The following C13orf46 variants were observed in gnomAD, a reference collection of about 807,000 sequenced individuals.
The protein encoded by C13orf46 is chromosome 13 open reading frame 46.
downstream of C13orf46, among the ~76,000 whole-genome samples, chr13:113,948,826 C>T (rs2138960608): frequency 6.6e-6 from 1 of 152,364 alleles, no homozygotes; most frequent in South Asian, 2.1e-4. Flanking sequence ...ATAAAAAATA[C>T]ATCTGGTCTT....
chr13:113,938,038 T>C, the C13orf46 span, among the ~76,000 whole-genome samples: 21 of 152,342 alleles, frequency 1.4e-4, no homozygotes, highest in African/African-American at 4.8e-4. Flanking sequence ...GAGGCAGGTT[T>C]GCCTGGCACA....
intron 5 of C13orf46, among the ~76,000 whole-genome samples, chr13:113,965,623 GTGA>G (rs1345194695): frequency 2.8e-4 from 42 of 152,078 alleles, no homozygotes; most frequent in South Asian, 8.3e-4. Context: ...GGTGATGGTG[GTGA>G]TGATGACAGT....
chr13:113,930,940 C>T, the C13orf46 span, among the ~76,000 whole-genome samples: 3 of 152,330 alleles, frequency 2.0e-5, no homozygotes, highest in East Asian at 3.9e-4. Context: ...TCACGGCCTC[C>T]AGGGCCAGGC....
chr13:113,942,250 C>T, the C13orf46 span, among the ~76,000 whole-genome samples: 26 of 152,270 alleles, frequency 1.7e-4, no homozygotes, highest in East Asian at 4.2e-3. Context: ...ACACGCAGCC[C>T]GGGAGGAGGG....
At chr13:113,951,713 G>C (rs1432036360), downstream of C13orf46, among the ~76,000 whole-genome samples, 1 of 152,222 alleles carries the variant, frequency 6.6e-6, no homozygotes, top group Non-Finnish European at 1.5e-5. Flanking sequence ...TCACTCACAG[G>C]CGTCGCCAGG....
downstream of C13orf46, among the ~76,000 whole-genome samples, chr13:113,951,902 C>T (rs1251500035): frequency 6.6e-6 from 1 of 152,234 alleles, no homozygotes; most frequent in Non-Finnish European, 1.5e-5. Flanking sequence ...GCAGGGGCCA[C>T]AGTGCAACGC....
downstream of C13orf46, among the ~76,000 whole-genome samples, chr13:113,950,818 C>T (rs1213540036): frequency 6.6e-6 from 1 of 152,214 alleles, no homozygotes; most frequent in Non-Finnish European, 1.5e-5. Flanking sequence ...GCACGGGAGT[C>T]CTGCCGTCTC....
chr13:113,938,979 C>G, the C13orf46 span, among the ~76,000 whole-genome samples: 1 of 152,158 alleles, frequency 6.6e-6, no homozygotes, highest in Non-Finnish European at 1.5e-5. Flanking sequence ...CAGCCACCCC[C>G]ACCCCAGGCC....
At chr13:113,946,955 G>A in the C13orf46 span, among the ~76,000 whole-genome samples, 1 of 152,250 alleles carries the variant, frequency 6.6e-6, no homozygotes, top group Non-Finnish European at 1.5e-5. Flanking sequence ...AGGTGCGTGG[G>A]CCGAAGGCAC....
downstream of C13orf46, among the ~76,000 whole-genome samples, chr13:113,950,034 T>A (rs923169885): frequency 1.7e-4 from 25 of 145,104 alleles, no homozygotes; most frequent in South Asian, 1.1e-3. Context: ...GGTGCTCCCA[T>A]CTGTAGAGTG....
At chr13:113,934,130 T>G in the C13orf46 span, among the ~76,000 whole-genome samples, 4 of 151,942 alleles carry the variant, frequency 2.6e-5, no homozygotes, top group Admixed American at 2.6e-4. Context: ...GGGAACGGAG[T>G]GCGGAATGCA....
chr13:113,930,432 G>A, the C13orf46 span, among the ~76,000 whole-genome samples: 174 of 147,706 alleles, frequency 1.2e-3, 5 homozygotes, highest in South Asian at 0.027. Context: ...GCGGGGGCGC[G>A]GGAGCACTGA....
intron 6 of C13orf46, among the ~76,000 whole-genome samples, chr13:113,957,056 C>T (rs1267262388): frequency 6.6e-6 from 1 of 151,808 alleles, no homozygotes; most frequent in Non-Finnish European, 1.5e-5. Context: ...CTCCCCTGTA[C>T]CTGCATATGC....
the C13orf46 span, among the ~76,000 whole-genome samples, chr13:113,940,440 G>A: frequency 7.9e-5 from 12 of 152,216 alleles, no homozygotes; most frequent in Admixed American, 1.3e-4. Context: ...GAGGATGGGC[G>A]TCTGGGACCC....
the C13orf46 span, among the ~76,000 whole-genome samples, chr13:113,929,939 T>C: frequency 2.0e-5 from 3 of 152,204 alleles, no homozygotes; most frequent in African/African-American, 7.2e-5. Flanking sequence ...GCTGTGGGGA[T>C]CTGCGTTCTT....
the C13orf46 span, chr13:113,927,211 C>T: frequency 8.0e-6 from 2 of 250,148 alleles, no homozygotes. Context: ...GGACAGCAGT[C>T]CCTTGAGTGG....
chr13:113,968,430 C>T (rs2052671352), intron 4 of C13orf46, 37 bp downstream of exon 4: 1 of 152,226 alleles, frequency 6.6e-6, no homozygotes, highest in Admixed American at 6.5e-5. Flanking sequence ...GACAGGCCTC[C>T]CTTCTCACTT....
downstream of C13orf46, among the ~76,000 whole-genome samples, chr13:113,952,994 CCA>C (rs1368207163): frequency 1.3e-5 from 2 of 152,230 alleles, no homozygotes; most frequent in Non-Finnish European, 2.9e-5. Context: ...CTCCTGCTCC[CCA>C]CAGTCTCCAA....
chr13:113,942,280 AG>A, the C13orf46 span, among the ~76,000 whole-genome samples: 1 of 152,236 alleles, frequency 6.6e-6, no homozygotes, highest in Non-Finnish European at 1.5e-5. Context: ...TCTTCCCTGC[AG>A]GAGAACCTCG....
Sources: allele counts gnomAD v4.1 joint callset (sites outside exome capture counted in the v4.1 genomes callset), GRCh38; gene constraint gnomAD v4.1.1; transcripts MANE v1.5; gene names NCBI Gene and HGNC (gene_info 2026-07-23, HGNC 2026-07-21).